Variants in CHRDL1 observed in about 807,000 individuals in gnomAD.
The protein encoded by CHRDL1 is chordin-like protein 1.
A neutral mutation model predicts 40.9 loss-of-function variants in CHRDL1; 19 were observed. That is an observed-to-expected ratio of 0.46 (90% CI 0.32 to 0.68). The LOEUF is 0.68. CHRDL1 is among the 30% of genes least tolerant of loss of function. The pLI is 0.03. For synonymous variants in CHRDL1, 136 were observed against 123.4 expected (o/e 1.10, Z -0.68); for missense variants, 329 against 352.1 (o/e 0.93, Z 0.53).
chrX:110,795,643 G>A (rs2090168288), intron 1 of CHRDL1, 101 bp downstream of exon 1: 1 of 112,126 alleles, frequency 8.9e-6, no homozygotes, highest in South Asian at 3.8e-4. Flanking sequence ...GGCACCCTGG[G>A]GAAACTTCCA....
chrX:110,687,679 TCTAC>T (rs1399490376), intron 9 of CHRDL1, among the ~76,000 whole-genome samples: 1 of 111,577 alleles, frequency 9.0e-6, no homozygotes, highest in African/African-American at 3.3e-5. Flanking sequence ...CCCCAAAAAA[TCTAC>T]TCTAACCCTC....
rs754627225 is a variant in CHRDL1 at position 110,689,817 on chromosome X, C to A, written c.779-1014G>T. On this transcript the variant is annotated intron_variant, in intron 8 of 11. Transcript: ENST00000372042. ...TATACATCTATATATCTATATATATCTATATATCTATATATCTATATATAT... is the reference window on the plus strand; with the variant it reads ...TATACATCTATATATCTATATATATATATATATCTATATATCTATATATAT... 2.3e-3 allele frequency among the ~76,000 whole-genome samples: 101 copies of A among 44,293 alleles called. 1 individual carries two copies. The highest frequency in any genetic ancestry group is 3.2e-3 in the Non-Finnish European group (88 of 27,669). The allele number at this position is 44,293 out of a possible 115,157, so 38.5% of individuals were successfully genotyped here.
At chrX:110,701,644 T>C (rs1380346351) in intron 6 of CHRDL1, among the ~76,000 whole-genome samples, 2 of 111,275 alleles carry the variant, frequency 1.8e-5, no homozygotes, top group East Asian at 2.8e-4. Context: ...GGAGACCCTG[T>C]CTCTACAGAA....
chrX:110,697,905 C>G (rs1467518661), intron 7 of CHRDL1, among the ~76,000 whole-genome samples: 1 of 104,468 alleles, frequency 9.6e-6, no homozygotes, highest in Non-Finnish European at 1.9e-5. Flanking sequence ...ACCAATGGCA[C>G]GAGGACCAAT....
intron 2 of CHRDL1, among the ~76,000 whole-genome samples, chrX:110,791,727 C>T (rs895459633): frequency 2.2e-4 from 25 of 111,603 alleles, no homozygotes; most frequent in South Asian, 3.8e-4. Flanking sequence ...AACTGAAAGC[C>T]TTTGCTGAAG....
chrX:110,685,552 C>T (rs1434209512), intron 9 of CHRDL1, among the ~76,000 whole-genome samples: 5 of 111,954 alleles, frequency 4.5e-5, no homozygotes, highest in Admixed American at 2.8e-4. Flanking sequence ...CATGGGCCAC[C>T]GCACCTGGTC....
intron 4 of CHRDL1, among the ~76,000 whole-genome samples, chrX:110,755,401 G>C (rs1248711164): frequency 8.9e-6 from 1 of 112,089 alleles, no homozygotes; most frequent in Non-Finnish European, 1.9e-5. Context: ...GGAGCTGTAG[G>C]AGACAATTTC....
intron 2 of CHRDL1, among the ~76,000 whole-genome samples, chrX:110,787,077 T>C (rs758454481): frequency 8.9e-6 from 1 of 111,738 alleles, no homozygotes; most frequent in Non-Finnish European, 1.9e-5. Context: ...CTTGATTTCA[T>C]TGAGTTTCAA....
intron 3 of CHRDL1, among the ~76,000 whole-genome samples, chrX:110,761,449 AG>A (rs61280069): frequency 0.021 from 2,359 of 112,178 alleles, 65 homozygotes; most frequent in African/African-American, 0.072. Context: ...AAAAGGTCTC[AG>A]GTAAGAAGCT....
chrX:110,720,582 A>G (rs1197882324), intron 5 of CHRDL1, among the ~76,000 whole-genome samples: 2 of 111,970 alleles, frequency 1.8e-5, no homozygotes, highest in Non-Finnish European at 3.8e-5. Context: ...AAGGCCATTA[A>G]GAAAGCAAGG....
At chrX:110,792,004 C>A in intron 2 of CHRDL1, 84 bp downstream of exon 2, 1 of 579,936 alleles carries the variant, frequency 1.7e-6, no homozygotes, top group Non-Finnish European at 2.7e-6. Context: ...CACATTTGGG[C>A]TAAATCATAA....
At chrX:110,780,924 C>T (rs56130046) in intron 2 of CHRDL1, among the ~76,000 whole-genome samples, 2,484 of 111,198 alleles carry the variant, frequency 0.022, 28 homozygotes, top group Non-Finnish European at 0.034. Context: ...AAAGTAGGTG[C>T]TCAAAATATT....
chrX:110,703,653 A>T (rs901782037), intron 6 of CHRDL1, among the ~76,000 whole-genome samples: 1 of 112,152 alleles, frequency 8.9e-6, no homozygotes, highest in African/African-American at 3.2e-5. Context: ...AAAACACACA[A>T]AAAAAGCAAA....
chrX:110,764,587 C>T (rs993221013), intron 2 of CHRDL1, among the ~76,000 whole-genome samples: 2 of 111,744 alleles, frequency 1.8e-5, no homozygotes, highest in Admixed American at 1.9e-4. Flanking sequence ...GAAATCAGTG[C>T]ATCTTGAAAA....
intron 6 of CHRDL1, among the ~76,000 whole-genome samples, chrX:110,710,191 A>C (rs1293309035): frequency 8.9e-6 from 1 of 111,881 alleles, no homozygotes; most frequent in Non-Finnish European, 1.9e-5. Flanking sequence ...CTCTGTTTGC[A>C]CTGTCAGTCA....
intron 7 of CHRDL1, 108 bp downstream of exon 7, chrX:110,700,545 GT>G (rs2070490484): frequency 1.8e-6 from 1 of 546,297 alleles, no homozygotes; most frequent in African/African-American, 2.3e-5. Flanking sequence ...GAAAAATGGT[GT>G]TAGAAATCGG....
At chrX:110,721,640 TC>T in intron 4 of CHRDL1, 110 bp from the exon 5 acceptor site, 1 of 593,881 alleles carries the variant, frequency 1.7e-6, no homozygotes, top group Non-Finnish European at 2.8e-6. Flanking sequence ...TTTAAGACAG[TC>T]CCCGCTCCAG....
intron 1 of CHRDL1, 56 bp from the exon 2 acceptor site, chrX:110,792,271 G>T (rs2090115249): frequency 2.0e-6 from 1 of 501,051 alleles, no homozygotes; most frequent in African/African-American, 2.4e-5. Flanking sequence ...AAATGATAGA[G>T]GTCACTGATG....
intron 8 of CHRDL1, among the ~76,000 whole-genome samples, chrX:110,693,435 C>G (rs1363556166): frequency 9.0e-6 from 1 of 111,514 alleles, no homozygotes; most frequent in Non-Finnish European, 1.9e-5. Context: ...CACTGTAACC[C>G]TGAACTCCTG....
Sources: gnomAD v4.1 joint callset for allele counts (sites outside exome capture counted in the v4.1 genomes callset) on GRCh38, gnomAD v4.1.1 for gene constraint, MANE v1.5 for transcripts, NCBI Gene and HGNC (gene_info 2026-07-23, HGNC 2026-07-21) for gene names.